The following UBE3D variants were observed in gnomAD, a reference collection of about 807,000 sequenced individuals.
UBE3D encodes E3 ubiquitin-protein ligase E3D.
UBE3D carries 48 observed loss-of-function variants against 49.6 expected under a neutral mutation model. The ratio of observed to expected loss-of-function variants is 0.97; its 90% confidence interval spans 0.77 to 1.23. The LOEUF is 1.23. Ranked by LOEUF, UBE3D falls within the 50% of genes most tolerant of loss-of-function variation. The probability of loss-of-function intolerance (pLI) is 0.00; values close to 1 mark genes in which losing one functional copy is unlikely to be tolerated. For synonymous variants in UBE3D, 189 were observed against 174.2 expected (o/e 1.08, Z -0.67); for missense variants, 452 against 468.4 (o/e 0.96, Z 0.32).
intron 5 of UBE3D, among the ~76,000 whole-genome samples, chr6:83,027,883 G>A (rs1030323360): frequency 1.3e-5 from 2 of 151,956 alleles, no homozygotes; most frequent in Non-Finnish European, 2.9e-5. Context: ...TTTCCTCCTG[G>A]AAGTCTGATT....
chr6:82,966,649 C>CAAAAA (rs1204365470), intron 8 of UBE3D, among the ~76,000 whole-genome samples: 1 of 25,044 alleles, frequency 4.0e-5, no homozygotes, highest in Non-Finnish European at 7.3e-5. Flanking sequence ...GACTCCGTCT[C>CAAAAA]AAAAAAAAAA....
At chr6:83,055,139 T>TA (rs930377323) in intron 2 of UBE3D, among the ~76,000 whole-genome samples, 22 of 57,958 alleles carry the variant, frequency 3.8e-4, no homozygotes, top group African/African-American at 1.6e-3. Flanking sequence ...TTGAAAGCTG[T>TA]GGGGAAAAAT....
At chr6:83,037,714 T>A (rs1044717823) in intron 5 of UBE3D, 5 of 152,220 alleles carry the variant, frequency 3.3e-5, no homozygotes, top group African/African-American at 1.2e-4. Flanking sequence ...ACACAGCATG[T>A]TGTAGTTCTC....
At chr6:82,901,264 T>TAA (rs200049918) in intron 9 of UBE3D, among the ~76,000 whole-genome samples, 4 of 145,308 alleles carry the variant, frequency 2.8e-5, no homozygotes, top group Admixed American at 6.8e-5. Flanking sequence ...CTGCATCACT[T>TAA]AAAAAAAAAA....
intron 9 of UBE3D, among the ~76,000 whole-genome samples, chr6:82,934,726 GA>G (rs1774423450): frequency 6.6e-6 from 1 of 150,936 alleles, no homozygotes; most frequent in African/African-American, 2.4e-5. Flanking sequence ...AACCAACTAA[GA>G]ATATTTATAG....
intron 9 of UBE3D, among the ~76,000 whole-genome samples, chr6:82,912,172 T>A (rs1412025275): frequency 6.6e-6 from 1 of 152,170 alleles, no homozygotes; most frequent in Non-Finnish European, 1.5e-5. Flanking sequence ...AAAGATTTCT[T>A]CCATGCTTTT....
At chr6:82,947,181 C>T (rs1194721428) in intron 9 of UBE3D, among the ~76,000 whole-genome samples, 1 of 151,702 alleles carries the variant, frequency 6.6e-6, no homozygotes, top group African/African-American at 2.4e-5. Flanking sequence ...GATTTAAAGA[C>T]AAAAACTATA....
intron 9 of UBE3D, among the ~76,000 whole-genome samples, chr6:82,904,687 A>G (rs1169503664): frequency 1.3e-5 from 2 of 152,204 alleles, no homozygotes; most frequent in Non-Finnish European, 2.9e-5. Flanking sequence ...TCTGCTGCTA[A>G]TGAACAAATT....
intron 8 of UBE3D, among the ~76,000 whole-genome samples, chr6:82,974,979 C>T (rs192934438): frequency 7.6e-4 from 115 of 152,044 alleles, no homozygotes; most frequent in Middle Eastern, 3.4e-3. Flanking sequence ...AATAAAAATG[C>T]TTATTTTTTT....
intron 4 of UBE3D, among the ~76,000 whole-genome samples, chr6:83,039,277 C>A (rs1228425613): frequency 1.3e-5 from 2 of 152,162 alleles, no homozygotes; most frequent in Non-Finnish European, 2.9e-5. Flanking sequence ...CTCCAGGGTA[C>A]CTTTCCTGGG....
At chr6:82,980,319 G>T (rs1310174131) in intron 8 of UBE3D, among the ~76,000 whole-genome samples, 1 of 151,912 alleles carries the variant, frequency 6.6e-6, no homozygotes, top group East Asian at 1.9e-4. Context: ...GCTTTAATTT[G>T]CATTTTCCTG....
intron 4 of UBE3D, among the ~76,000 whole-genome samples, chr6:83,041,277 T>A (rs1475407070): frequency 1.3e-5 from 2 of 152,214 alleles, no homozygotes; most frequent in African/African-American, 4.8e-5. Flanking sequence ...GGAGAAGTGT[T>A]TTTTGTTTGC....
At position 83,022,511 on chromosome 6, in the gene UBE3D, G is replaced by A. The variant is rs1219647852; in HGVS notation, c.788C>T (p.Ser263Phe). 1 of 1,606,954 alleles carries A rather than the reference G, an allele frequency of 6.2e-7. No individual in the cohort carries two copies. The highest frequency in any genetic ancestry group is 2.3e-5 in the East Asian group (1 of 44,240). The change falls in exon 7 of 10, where the codon TCT becomes TTT. Residue 263 changes from serine to phenylalanine, a missense_variant. Coordinates refer to ENST00000369747, the MANE Select transcript of UBE3D (RefSeq NM_198920.3). ...CGTGAATCTAAAAGTGCTTCTAGCAGAGGAGAGCTGCACCAGACACTGGGC... is the reference window on the plus strand; with the variant it reads ...CGTGAATCTAAAAGTGCTTCTAGCAAAGGAGAGCTGCACCAGACACTGGGC... ...VIAQCLVQLS[S>F]ARSTFRFTIQ...
At chr6:82,884,278 C>G in the UBE3D span, among the ~76,000 whole-genome samples, 1 of 152,116 alleles carries the variant, frequency 6.6e-6, no homozygotes, top group Non-Finnish European at 1.5e-5. Context: ...CTGTTTCACT[C>G]TTTTGCTCCA....
chr6:83,024,506 A>T lies in UBE3D; in HGVS notation c.668-468T>A, dbSNP rs931166132. Among the ~76,000 whole-genome samples, 22 of 151,976 alleles carry T rather than the reference A, an allele frequency of 1.4e-4. 1 individual carries two copies. Among genetic ancestry groups the T allele is most frequent in the African/African-American group, 5.1e-4 (21 of 41,374 alleles). Reference sequence around the variant, plus strand: ...AATAGCCTCAATACACACTTTGGGGAACTAACGTGGGGATTCTGCCAGCTG... The same window carrying T: ...AATAGCCTCAATACACACTTTGGGGTACTAACGTGGGGATTCTGCCAGCTG... On this transcript the variant is annotated intron_variant, in intron 5 of 9. Coordinates refer to ENST00000369747, the MANE Select transcript of UBE3D (RefSeq NM_198920.3).
At chr6:82,941,259 C>T (rs1007116416) in intron 9 of UBE3D, among the ~76,000 whole-genome samples, 2 of 151,288 alleles carry the variant, frequency 1.3e-5, no homozygotes, top group Non-Finnish European at 2.9e-5. Context: ...TCCCAGTGAT[C>T]TTAATTTTCT....
chr6:82,924,144 C>G (rs1224240824), intron 9 of UBE3D, among the ~76,000 whole-genome samples: 1 of 151,192 alleles, frequency 6.6e-6, no homozygotes, highest in African/African-American at 2.4e-5. Context: ...CAAATGGCAG[C>G]CATTAAACAC....
chr6:83,046,481 T>TCTTTCAAC (rs1349279709), intron 3 of UBE3D, among the ~76,000 whole-genome samples: 2 of 152,186 alleles, frequency 1.3e-5, no homozygotes, highest in Non-Finnish European at 2.9e-5. Context: ...GAGAAGTGAT[T>TCTTTCAAC]CTTTCAACGT....
At chr6:82,914,156 G>A (rs1772738314) in intron 9 of UBE3D, among the ~76,000 whole-genome samples, 1 of 152,288 alleles carries the variant, frequency 6.6e-6, no homozygotes, top group South Asian at 2.1e-4. Flanking sequence ...GGTATAGTGT[G>A]TTTAGGTGGT....
Sources: allele counts gnomAD v4.1 joint callset (sites outside exome capture counted in the v4.1 genomes callset), GRCh38; gene constraint gnomAD v4.1.1; transcripts MANE v1.5; gene names NCBI Gene and HGNC (gene_info 2026-07-23, HGNC 2026-07-21).